Variants in CA10 observed in about 807,000 individuals in gnomAD.
CA10 encodes the protein carbonic anhydrase 10 (inactive), also known as carbonic anhydrase-related protein 10.
CA10 carries 14 observed loss-of-function variants against 44.2 expected under a neutral mutation model. The observed-to-expected ratio is 0.32, with a 90% CI of 0.21 to 0.50. The LOEUF is 0.50. CA10 is among the 20% of genes least tolerant of loss of function. The pLI, the probability that CA10 is intolerant of heterozygous loss-of-function variation, is 0.99. For synonymous variants in CA10, 159 were observed against 141.6 expected, an observed-to-expected ratio of 1.12 and a Z score of -0.87; for missense variants, 350 against 409.7, an observed-to-expected ratio of 0.85 and a Z score of 1.26.
At chr17:51,775,589 G>T (rs1385856442) in intron 3 of CA10, among the ~76,000 whole-genome samples, 20 of 152,148 alleles carry the variant, frequency 1.3e-4, no homozygotes, top group Admixed American at 1.3e-3. Context: ...CAGGGCCCAG[G>T]TTTTAAATAA....
chr17:52,036,624 T>G (rs149548148), intron 2 of CA10, among the ~76,000 whole-genome samples: 22 of 152,298 alleles, frequency 1.4e-4, no homozygotes, highest in Admixed American at 5.9e-4. Context: ...GGCATCATGC[T>G]TCACAGTAGG....
intron 2 of CA10, among the ~76,000 whole-genome samples, chr17:52,060,445 T>C (rs557348009): frequency 6.6e-6 from 1 of 152,240 alleles, no homozygotes; most frequent in African/African-American, 2.4e-5. Flanking sequence ...TGTATCCAGG[T>C]TGGTTTCTTA....
intron 3 of CA10, among the ~76,000 whole-genome samples, chr17:51,758,843 G>A (rs1485938706): frequency 6.6e-6 from 1 of 152,176 alleles, no homozygotes; most frequent in Non-Finnish European, 1.5e-5. Flanking sequence ...TTCGAGGTCA[G>A]CATGAGCTTC....
intron 2 of CA10, among the ~76,000 whole-genome samples, chr17:51,960,014 T>A (rs1374055586): frequency 6.6e-6 from 1 of 151,856 alleles, no homozygotes; most frequent in Non-Finnish European, 1.5e-5. Flanking sequence ...GGAGTTATTG[T>A]AACTATCCTC....
At chr17:51,656,167 G>A (rs1367570919) in intron 4 of CA10, among the ~76,000 whole-genome samples, 2 of 152,218 alleles carry the variant, frequency 1.3e-5, no homozygotes, top group African/African-American at 4.8e-5. Context: ...ACTGCCAGGG[G>A]ATGTGCCAGT....
At chr17:51,638,688 C>T (rs1912938549) in intron 6 of CA10, among the ~76,000 whole-genome samples, 1 of 152,206 alleles carries the variant, frequency 6.6e-6, no homozygotes. Flanking sequence ...TAAGTGAATG[C>T]AGAAGGCATG....
intron 2 of CA10, among the ~76,000 whole-genome samples, chr17:51,939,854 C>T (rs1983010705): frequency 6.6e-6 from 1 of 151,882 alleles, no homozygotes; most frequent in Non-Finnish European, 1.5e-5. Flanking sequence ...AGCTTTTAAA[C>T]CTTGTTTTTG....
chr17:51,996,847 G>T (rs1395575245), intron 2 of CA10, among the ~76,000 whole-genome samples: 1 of 151,912 alleles, frequency 6.6e-6, no homozygotes, highest in Non-Finnish European at 1.5e-5. Flanking sequence ...AACAGCTGAG[G>T]ACCCCACTCC....
At chr17:51,665,623 C>T (rs1362691792) in intron 4 of CA10, among the ~76,000 whole-genome samples, 1 of 152,136 alleles carries the variant, frequency 6.6e-6, no homozygotes, top group East Asian at 1.9e-4. Context: ...TATATAAACC[C>T]AGATGGTATA....
At chr17:52,006,790 A>C (rs1389230665) in intron 2 of CA10, among the ~76,000 whole-genome samples, 1 of 151,790 alleles carries the variant, frequency 6.6e-6, no homozygotes, top group African/African-American at 2.4e-5. Context: ...TCTTCTAAAA[A>C]ATGTCATTGT....
At chr17:51,815,922 C>A (rs143210992) in intron 3 of CA10, among the ~76,000 whole-genome samples, 3 of 152,158 alleles carry the variant, frequency 2.0e-5, no homozygotes, top group African/African-American at 7.2e-5. Context: ...CTTTGTGTTA[C>A]AAACAACCCA....
intron 4 of CA10, among the ~76,000 whole-genome samples, chr17:51,680,638 A>G (rs542034859): frequency 5.3e-4 from 81 of 152,184 alleles, no homozygotes; most frequent in Non-Finnish European, 1.0e-3. Context: ...ATCTCCTGAT[A>G]CTTACTCCCC....
intron 1 of CA10, among the ~76,000 whole-genome samples, chr17:52,132,324 C>T (rs1345564337): frequency 6.6e-6 from 1 of 152,050 alleles, no homozygotes; most frequent in African/African-American, 2.4e-5. Context: ...AGCATGACAA[C>T]AACAGGATAT....
chr17:52,019,767 C>T (rs1469349583), intron 2 of CA10, among the ~76,000 whole-genome samples: 1 of 151,946 alleles, frequency 6.6e-6, no homozygotes, highest in African/African-American at 2.4e-5. Flanking sequence ...TTTGTAATTT[C>T]CAATGTAATT....
At chr17:51,673,920 T>C (rs1410512644) in intron 4 of CA10, among the ~76,000 whole-genome samples, 1 of 152,206 alleles carries the variant, frequency 6.6e-6, no homozygotes, top group African/African-American at 2.4e-5. Flanking sequence ...CCTGACTGTT[T>C]GCACATCTGT....
At chr17:51,869,195 A>T (rs1476166101) in intron 3 of CA10, among the ~76,000 whole-genome samples, 1 of 152,176 alleles carries the variant, frequency 6.6e-6, no homozygotes, top group Non-Finnish European at 1.5e-5. Context: ...TAAGATTAAG[A>T]AGTTCATCTC....
intron 4 of CA10, among the ~76,000 whole-genome samples, chr17:51,717,831 A>ATATATATG (rs1916206685): frequency 2.1e-5 from 1 of 47,284 alleles, no homozygotes; most frequent in African/African-American, 1.2e-4. Flanking sequence ...ATGTGTGTGT[A>ATATATATG]TATATATATA....
At chr17:51,810,519 C>T (rs1372850944) in intron 3 of CA10, among the ~76,000 whole-genome samples, 1 of 152,048 alleles carries the variant, frequency 6.6e-6, no homozygotes, top group African/African-American at 2.4e-5. Context: ...TTCCAAGGCA[C>T]AGGCAGACAA....
intron 1 of CA10, among the ~76,000 whole-genome samples, chr17:52,125,640 T>C (rs1989103378): frequency 6.6e-6 from 1 of 152,170 alleles, no homozygotes; most frequent in Admixed American, 6.5e-5. Flanking sequence ...CCTTCCTAGT[T>C]TGGGGATGAA....
Sources: gnomAD v4.1 joint callset for allele counts (sites outside exome capture counted in the v4.1 genomes callset) on GRCh38, gnomAD v4.1.1 for gene constraint, MANE v1.5 for transcripts, NCBI Gene and HGNC (gene_info 2026-07-23, HGNC 2026-07-21) for gene names.